Variants in HARBI1 observed in about 807,000 individuals in gnomAD.
HARBI1 encodes putative nuclease HARBI1.
Under a neutral mutation model 25.3 loss-of-function variants are expected in HARBI1, and 15 were observed. The ratio of observed to expected loss-of-function variants is 0.59; its 90% CI spans 0.40 to 0.91. The LOEUF (loss-of-function observed/expected upper bound fraction) is 0.91, where lower values mean the gene tolerates loss of function less well. Ranked by LOEUF, HARBI1 falls within the 40% of genes least tolerant of loss-of-function variation. HARBI1 has a pLI of 0.00. For synonymous variants in HARBI1, 168 were observed against 160.5 expected (o/e 1.05, Z -0.35); for missense variants, 396 against 445.8 (o/e 0.89, Z 1.01).
At chr11:46,611,677 C>T (rs979865234) in intron 2 of HARBI1, among the ~76,000 whole-genome samples, 1 of 150,454 alleles carries the variant, frequency 6.6e-6, no homozygotes, top group African/African-American at 2.5e-5. Flanking sequence ...CACCACTGCA[C>T]TCCAGCCTGG....
At chr11:46,611,252 C>T (rs2045172626) in intron 2 of HARBI1, among the ~76,000 whole-genome samples, 1 of 152,060 alleles carries the variant, frequency 6.6e-6, no homozygotes, top group African/African-American at 2.4e-5. Context: ...CGTGATCCGC[C>T]CACCTCGGCC....
upstream of HARBI1, chr11:46,617,543 C>G (rs537924218): frequency 2.1e-4 from 46 of 215,518 alleles, 7 homozygotes; most frequent in Admixed American, 6.1e-4. Flanking sequence ...CTCTTTCACC[C>G]CCCCCCCCCG....
At chr11:46,605,185 C>T (rs1289727337) in intron 2 of HARBI1, among the ~76,000 whole-genome samples, 1 of 152,126 alleles carries the variant, frequency 6.6e-6, no homozygotes, top group East Asian at 1.9e-4. Context: ...GCACTGTTCC[C>T]AACATACAGG....
At chr11:46,616,856 A>AC (rs1328931106) in intron 1 of HARBI1, 10 of 962,764 alleles carry the variant, frequency 1.0e-5, no homozygotes, top group African/African-American at 7.1e-5. Flanking sequence ...AAAAAAAAAA[A>AC]AAAAAACAAC....
Position 46,603,615 on chromosome 11 carries a change from G to A in HARBI1, c.965C>T (p.Pro322Leu), listed in dbSNP as rs976983246. 6.2e-6 allele frequency: 10 copies of A among 1,613,974 alleles called. No individual in the cohort carries two copies. The highest frequency in any genetic ancestry group is 5.5e-5 in the South Asian group (5 of 91,068). ...SPMTGPMEQP[P>L]EEEYEHMESL... ...CTCCATGTGCTCATACTCCTCTTCC[G>A]GGGGCTGTTCCATGGGTCCTGTCAT... Residue 322 changes from proline to leucine, a missense_variant, in exon 3 of 3, where the codon CCG (proline) becomes CTG (leucine). Physicochemically the swap from Pro to Leu is moderately conservative, Grantham distance 98. Coordinates refer to ENST00000326737, the MANE Select transcript of HARBI1 (RefSeq NM_173811.4).
intron 1 of HARBI1, 128 bp from the exon 2 acceptor site, chr11:46,616,509 G>A (rs1041506352): frequency 8.5e-5 from 104 of 1,218,054 alleles, no homozygotes; most frequent in Non-Finnish European, 9.9e-5. Flanking sequence ...TTACAACTCC[G>A]GATTTTTCTC....
intron 2 of HARBI1, among the ~76,000 whole-genome samples, chr11:46,614,946 CTT>C (rs1286263847): frequency 1.3e-5 from 2 of 151,980 alleles, no homozygotes; most frequent in African/African-American, 4.8e-5. Flanking sequence ...GAGTTTTGCT[CTT>C]GTTGCCCAGG....
intron 2 of HARBI1, chr11:46,604,293 A>G: frequency 6.4e-6 from 6 of 935,784 alleles, no homozygotes; most frequent in Non-Finnish European, 7.6e-6. Context: ...TGGATCACCA[A>G]CTGAGGCCCG....
chr11:46,611,164 C>T (rs555983581), intron 2 of HARBI1, among the ~76,000 whole-genome samples: 127 of 151,934 alleles, frequency 8.4e-4, no homozygotes, highest in East Asian at 2.5e-3. Flanking sequence ...CCTGCCACCA[C>T]GCCTGGCTTA....
intron 2 of HARBI1, among the ~76,000 whole-genome samples, chr11:46,613,961 G>A (rs922874319): frequency 1.3e-5 from 2 of 151,926 alleles, no homozygotes; most frequent in African/African-American, 4.8e-5. Context: ...AGGAGCCACC[G>A]CACCCAGACA....
chr11:46,617,149 C>A lies in HARBI1; in HGVS notation c.-170G>T. On this transcript the variant is annotated 5_prime_UTR_variant, in exon 1 of 3. Transcript: ENST00000326737. ...CTCTCCGCGGCTGCCAGGTTACCAGCCACACTTCCCACCCACCCAGCCGGG... is the reference window on the plus strand; with the variant it reads ...CTCTCCGCGGCTGCCAGGTTACCAGACACACTTCCCACCCACCCAGCCGGG... 1 of 289,428 alleles carries A rather than the reference C, an allele frequency of 3.5e-6. No individual in the cohort carries two copies. Among genetic ancestry groups the A allele is most frequent in the Non-Finnish European group, 5.2e-6 (1 of 193,656 alleles). 17.9% of individuals were successfully genotyped at this position (289,428 alleles called of 1,614,324 possible). A position where few individuals can be genotyped will look rare whatever the true frequency, so the allele number is the denominator to read the frequency against.
chr11:46,614,703 T>C (rs2045309501), intron 2 of HARBI1, among the ~76,000 whole-genome samples: 1 of 152,148 alleles, frequency 6.6e-6, no homozygotes. Context: ...GCCTCCCAGA[T>C]AGTTGGAATT....
chr11:46,616,450 A>G, intron 1 of HARBI1, 69 bp from the exon 2 acceptor site: 1 of 1,374,580 alleles, frequency 7.3e-7, no homozygotes, highest in African/African-American at 1.5e-5. Context: ...AGGCTGGAGC[A>G]GCTCCTTTTC....
intron 2 of HARBI1, among the ~76,000 whole-genome samples, chr11:46,608,105 C>G (rs924636106): frequency 6.6e-6 from 1 of 152,138 alleles, no homozygotes; most frequent in South Asian, 2.1e-4. Context: ...TTGAGACCAG[C>G]CTGACCAACG....
At chr11:46,613,487 T>TTC (rs2135402465) in intron 2 of HARBI1, among the ~76,000 whole-genome samples, 1 of 148,322 alleles carries the variant, frequency 6.7e-6, no homozygotes, top group East Asian at 2.0e-4. Context: ...GGCTTTTTTT[T>TTC]TTTTTTTTTT....
intron 2 of HARBI1, 92 bp downstream of exon 2, chr11:46,615,476 C>G (rs2135410109): frequency 1.9e-6 from 2 of 1,034,976 alleles, no homozygotes; most frequent in Admixed American, 4.2e-5. Context: ...CTCAGCCTCC[C>G]AAAGTGCTGG....
intron 2 of HARBI1, among the ~76,000 whole-genome samples, chr11:46,605,367 A>C (rs1195020633): frequency 6.6e-6 from 1 of 151,554 alleles, no homozygotes; most frequent in Admixed American, 6.6e-5. Flanking sequence ...CATGCCTGGC[A>C]AAATTTTTAA....
At chr11:46,617,806 C>CA (rs1374818122), upstream of HARBI1, 1 of 399,158 alleles carries the variant, frequency 2.5e-6, no homozygotes, top group Non-Finnish European at 4.4e-6. Flanking sequence ...GCGGAACCCT[C>CA]AGCCAGGAGG....
At chr11:46,617,025 G>A (rs2135431151) in intron 1 of HARBI1, 99 bp downstream of exon 1, 1 of 983,490 alleles carries the variant, frequency 1.0e-6, no homozygotes, top group Admixed American at 6.2e-5. Flanking sequence ...GCCGAACCAG[G>A]TTTGGGAAGC....
Sources: allele counts gnomAD v4.1 joint callset (sites outside exome capture counted in the v4.1 genomes callset), GRCh38; gene constraint gnomAD v4.1.1; transcripts MANE v1.5; gene names NCBI Gene and HGNC (gene_info 2026-07-23, HGNC 2026-07-21).